Variants in SMOC2 observed in about 807,000 individuals in gnomAD.
SMOC2 encodes SPARC-related modular calcium-binding protein 2.
SMOC2 carries 39 observed loss-of-function variants against 61.4 expected under a neutral mutation model. That is an observed-to-expected ratio of 0.64 (90% CI 0.49 to 0.83). The LOEUF is 0.83. Among genes scored for constraint, SMOC2 ranks in the 40% least tolerant of loss-of-function variants. The pLI, the probability that SMOC2 is intolerant of heterozygous loss-of-function variation, is 0.00. For missense variants in SMOC2, 556 were observed against 592.9 expected (o/e 0.94, Z 0.65); for synonymous variants, 247 against 239.9 (o/e 1.03, Z -0.27).
rs1398885119 is a variant in SMOC2, at chr6:168,544,422, T to C, written c.511+750T>C. ...GAACCAGTAACAAACAAAAATAATA[T>C]AAACACAGACCAGGCCGAGGCAGGC... On this transcript the variant is annotated intron_variant, in intron 5 of 12. Coordinates refer to ENST00000356284, the MANE Select transcript of SMOC2 (RefSeq NM_001166412.2). The surrounding 1 kb of genome is among the most constrained non-coding windows in gnomAD (Gnocchi z 4.1). Among the ~76,000 whole-genome samples, 1 of 152,136 alleles carries C rather than the reference T, an allele frequency of 6.6e-6. No homozygotes were observed.
intron 11 of SMOC2, among the ~76,000 whole-genome samples, chr6:168,658,193 G>A (rs1787375907): frequency 6.6e-6 from 1 of 152,132 alleles, no homozygotes; most frequent in African/African-American, 2.4e-5. Context: ...GAGGGAAGAT[G>A]AACACCCACC....
chr6:168,661,698 C>A (rs1787513939), intron 11 of SMOC2, among the ~76,000 whole-genome samples: 1 of 152,116 alleles, frequency 6.6e-6, no homozygotes, highest in African/African-American at 2.4e-5. Flanking sequence ...TTCTAACTCC[C>A]AGGGAGAATT....
rs116528677 is a variant in SMOC2 at position 168,583,594 on chromosome 6, G to A, written c.638-15224G>A. Among the ~76,000 whole-genome samples, 604 of 152,332 alleles carry A rather than the reference G, an allele frequency of 4.0e-3. 4 individuals carry two copies. The highest frequency in any genetic ancestry group is 0.014 in the African/African-American group (568 of 41,582). On this transcript the variant is annotated intron_variant, in intron 7 of 12. Transcript: ENST00000356284. ...TCTTCCTTGCACTAATCAGCAAACT[G>A]GGGATGTTCTTCTCATAGCAGCAGC...
intron 9 of SMOC2, among the ~76,000 whole-genome samples, chr6:168,623,993 G>A (rs1338869877): frequency 1.3e-5 from 2 of 152,180 alleles, no homozygotes; most frequent in Non-Finnish European, 2.9e-5. Flanking sequence ...CGCAGAGGAG[G>A]CTCCTGCAGC....
At position 168,546,132 on chromosome 6, in the gene SMOC2, C is replaced by T. The variant is rs372463807; in HGVS notation, c.512-987C>T. Among the ~76,000 whole-genome samples, 12 of 151,136 alleles carry T rather than the reference C, an allele frequency of 7.9e-5. No homozygotes were observed. In the East Asian group the frequency reaches 1.6e-3, roughly 20 times the overall value. On this transcript the variant is annotated intron_variant, in intron 5 of 12. Coordinates refer to ENST00000356284, the MANE Select transcript of SMOC2 (RefSeq NM_001166412.2). The stretch of plus-strand genomic sequence containing the variant: ...ATAAGAAACTTTATTCTTTAGACCA[C>T]TGGGAAGTTCATGACTTAGTTATCT...
intron 1 of SMOC2, among the ~76,000 whole-genome samples, chr6:168,491,622 T>G (rs1424502656): frequency 6.6e-6 from 1 of 152,234 alleles, no homozygotes; most frequent in Non-Finnish European, 1.5e-5. Flanking sequence ...CAATAAACTA[T>G]TTAATAAAAA....
In SMOC2 at chr6:168,458,391, G is replaced by C. The variant is rs375654453; in HGVS notation, c.84+16937G>C. Among the ~76,000 whole-genome samples the C allele has an allele frequency of 2.6e-4, 40 of 152,286 alleles. No homozygotes were observed. The South Asian group carries it at 3.7e-3, about 14-fold the overall frequency. ...CCTGCCCCTCTGGGGGCATCATGCT[G>C]CCTGCCCTGGGGGTCCTGGGCTTTG... On this transcript the variant is annotated intron_variant, in intron 1 of 12. Transcript: ENST00000356284.
intron 4 of SMOC2, among the ~76,000 whole-genome samples, chr6:168,540,256 GGGCTGCA>G (rs1206730175): frequency 2.0e-5 from 3 of 152,248 alleles, no homozygotes; most frequent in Non-Finnish European, 4.4e-5. Context: ...GAGGGCCTGA[GGGCTGCA>G]GGCCATTTGG....
intron 7 of SMOC2, among the ~76,000 whole-genome samples, chr6:168,558,914 TG>T (rs1385540038): frequency 6.6e-6 from 1 of 151,964 alleles, no homozygotes; most frequent in East Asian, 1.9e-4. Flanking sequence ...CACGTGTGTA[TG>T]TGTGCTTGTG....
At chr6:168,560,571 CATTCTT>C (rs1562348439) in intron 7 of SMOC2, among the ~76,000 whole-genome samples, 9 of 66,680 alleles carry the variant, frequency 1.3e-4, no homozygotes, top group Non-Finnish European at 2.4e-4. Flanking sequence ...GCTCTCACTG[CATTCTT>C]GGAGGAGGTG....
intron 7 of SMOC2, among the ~76,000 whole-genome samples, chr6:168,581,287 G>T (rs902351623): frequency 6.6e-6 from 1 of 152,010 alleles, no homozygotes; most frequent in Non-Finnish European, 1.5e-5. Flanking sequence ...GACAACATGC[G>T]TAAAAATTAA....
chr6:168,597,022 A>G (rs921116096), intron 7 of SMOC2, among the ~76,000 whole-genome samples: 3 of 152,238 alleles, frequency 2.0e-5, no homozygotes, highest in Non-Finnish European at 2.9e-5. Flanking sequence ...TGATAAGAGC[A>G]TTGTCATCGT....
At chr6:168,577,209 A>G (rs1784823618) in intron 7 of SMOC2, among the ~76,000 whole-genome samples, 2 of 152,144 alleles carry the variant, frequency 1.3e-5, no homozygotes, top group Admixed American at 1.3e-4. Context: ...ACTCTGCTGG[A>G]CCAGGATGCC....
chr6:168,647,061 C>T (rs751874171), intron 9 of SMOC2, among the ~76,000 whole-genome samples: 10 of 152,236 alleles, frequency 6.6e-5, no homozygotes, highest in Admixed American at 2.6e-4. Flanking sequence ...GAGGGCCTGG[C>T]ACGTCTAACC....
At chr6:168,638,976 G>C (rs1786819770) in intron 9 of SMOC2, among the ~76,000 whole-genome samples, 1 of 152,180 alleles carries the variant, frequency 6.6e-6, no homozygotes, top group South Asian at 2.1e-4. Flanking sequence ...CTGCCTGTTT[G>C]TGTCATATGC....
intron 4 of SMOC2, among the ~76,000 whole-genome samples, chr6:168,530,219 C>T (rs543048271): frequency 4.7e-4 from 72 of 152,166 alleles, no homozygotes; most frequent in African/African-American, 1.6e-3. Flanking sequence ...CCAGCCACAG[C>T]GGAGGGAAAC....
intron 4 of SMOC2, among the ~76,000 whole-genome samples, chr6:168,530,417 C>T (rs1329561217): frequency 2.6e-5 from 4 of 152,040 alleles, no homozygotes; most frequent in Admixed American, 6.6e-5. Context: ...TCCTATTAAT[C>T]AGATAATATA....
intron 7 of SMOC2, 76 bp downstream of exon 7, chr6:168,549,279 T>C: frequency 1.4e-6 from 2 of 1,388,668 alleles, no homozygotes; most frequent in Non-Finnish European, 2.0e-6. Flanking sequence ...TTTTTTGGAG[T>C]TAAGTGTATT....
At chr6:168,519,224 T>G (rs372825878) in intron 2 of SMOC2, among the ~76,000 whole-genome samples, 16 of 148,866 alleles carry the variant, frequency 1.1e-4, no homozygotes, top group African/African-American at 3.7e-4. Context: ...TGTGAGAGAG[T>G]GTGTATACGT....
Sources: gnomAD v4.1 joint callset for allele counts (sites outside exome capture counted in the v4.1 genomes callset) on GRCh38, gnomAD v4.1.1 for gene constraint, Gnocchi (gnomAD v3.1) non-coding constraint, MANE v1.5 for transcripts, NCBI Gene and HGNC (gene_info 2026-07-23, HGNC 2026-07-21) for gene names.